The following TMEM134 variants were observed in gnomAD, a reference collection of about 807,000 sequenced individuals.
The protein encoded by TMEM134 is transmembrane protein 134.
A neutral mutation model predicts 26.2 loss-of-function variants in TMEM134; 36 were observed. The observed-to-expected ratio is 1.37, with a 90% confidence interval of 1.05 to 1.81. The LOEUF is 1.81. Ranked by LOEUF, TMEM134 falls within the 40% of genes most tolerant of loss-of-function variation. The pLI, the probability that TMEM134 is intolerant of heterozygous loss-of-function variation, is 0.00. For missense variants in TMEM134, 339 were observed against 263.5 expected (o/e 1.29, Z -1.98); for synonymous variants, 133 against 113.6 (o/e 1.17, Z -1.08).
chr11:67,464,613 A>G lies in TMEM134; in HGVS notation c.*1T>C. ...CGCAAGGGGTCCACGCTGCGCCGCGATCACTTCTCGAAGTAGGGCAGGTAG... is the reference window on the plus strand; with the variant it reads ...CGCAAGGGGTCCACGCTGCGCCGCGGTCACTTCTCGAAGTAGGGCAGGTAG... On this transcript the variant is annotated 3_prime_UTR_variant, in exon 7 of 7. Transcript: ENST00000308022. 1 of 1,552,024 alleles carries G rather than the reference A, an allele frequency of 6.4e-7. No homozygotes were observed. Among genetic ancestry groups the G allele is most frequent in the East Asian group, 2.4e-5 (1 of 40,960 alleles).
rs1420851471 is a variant in TMEM134, at chr11:67,462,277, CTA to C, written c.*2335_*2336del. ...TGGTTTTTGTCATTTTTCCTTTTTCCTATGTTTGTTCTGATTATATTTATTGA... is the reference window on the plus strand; with the variant it reads ...TGGTTTTTGTCATTTTTCCTTTTTCCTGTTTGTTCTGATTATATTTATTGA... On this transcript the variant is annotated 3_prime_UTR_variant, in exon 7 of 7. Transcript: ENST00000308022. 8 of 149,658 alleles carry C rather than the reference CTA, an allele frequency of 5.3e-5. No homozygotes were observed. The highest frequency in any genetic ancestry group is 1.9e-4 in the East Asian group (1 of 5,170). The allele number at this position is 149,658 out of a possible 1,614,324, so 9.3% of individuals were successfully genotyped here. A position where few individuals can be genotyped will look rare whatever the true frequency, so the allele number is the denominator to read the frequency against.
At chr11:67,468,903 T>A in intron 1 of TMEM134, 116 bp downstream of exon 1, 2 of 1,052,390 alleles carry the variant, frequency 1.9e-6, no homozygotes, top group South Asian at 4.7e-5. Context: ...GGGGGGGCGG[T>A]CTCGCGCTTC....
Position 67,464,794 on chromosome 11 carries a change from C to A in TMEM134, c.505+9G>T. Reference sequence around the variant, plus strand: ...CCCCCGCCCCTTCCGCCCCGGTGCCCGCTCGCACCTCCAGGCACCAACAAC... The same window carrying A: ...CCCCCGCCCCTTCCGCCCCGGTGCCAGCTCGCACCTCCAGGCACCAACAAC... On this transcript the variant is annotated intron_variant, in intron 6 of 6. Transcript: ENST00000308022. The A allele has an allele frequency of 6.2e-7, 1 of 1,600,678 alleles. No homozygotes were observed. Among genetic ancestry groups the A allele is most frequent in the Non-Finnish European group, 8.5e-7 (1 of 1,175,220 alleles).
In TMEM134 at chr11:67,463,611, C is replaced by G. The variant is rs1451784422; in HGVS notation, c.*1003G>C. On this transcript the variant is annotated 3_prime_UTR_variant, in exon 7 of 7. Coordinates refer to ENST00000308022, the MANE Select transcript of TMEM134 (RefSeq NM_025124.4). ...CTCGCCATGTTGTCCAGGTTGGTCG[C>G]GAACTCCTGGGCTCAAGCGATCCTC... is the stretch of plus-strand genomic sequence containing the variant. 1 of 151,482 alleles carries G rather than the reference C, an allele frequency of 6.6e-6. No homozygotes were observed. The highest frequency in any genetic ancestry group is 2.4e-5 in the African/African-American group (1 of 41,144). 9.4% of individuals were successfully genotyped at this position (151,482 alleles called of 1,614,324 possible). A position where few individuals can be genotyped will look rare whatever the true frequency, so the allele number is the denominator to read the frequency against.
At position 67,467,512 on chromosome 11, in the gene TMEM134, G is replaced by A. The variant is rs923012326; in HGVS notation, c.318C>T (p.Asn106=). Reference sequence around the variant, plus strand: ...GCGGGCAGGCTCACCTGCAGCAGGTGTTGTAGGAGCGCTGGGTGCTGCTGC... The same window carrying A: ...GCGGGCAGGCTCACCTGCAGCAGGTATTGTAGGAGCGCTGGGTGCTGCTGC... ...TISSSTQRSY[N]TCCSWTQHPL... Residue 106 remains asparagine (N), a synonymous_variant, in exon 3 of 7, where the codon AAC becomes AAT. Transcript: ENST00000308022. 3.7e-6 allele frequency: 6 copies of A among 1,614,032 alleles called. No individual in the cohort carries two copies. Among genetic ancestry groups the A allele is most frequent in the Admixed American group, 1.7e-5 (1 of 60,022 alleles).
chr11:67,465,059 G>T lies in TMEM134; in HGVS notation c.448C>A (p.Pro150Thr). 1 of 1,582,880 alleles carries T rather than the reference G, an allele frequency of 6.3e-7. No individual in the cohort carries two copies. The highest frequency in any genetic ancestry group is 8.6e-7 in the Non-Finnish European group (1 of 1,168,660). ...TGGGGGCGGGAGGGTCGCTCACCTG[G>T]AGAGGGGGTCGCCTCCAGTCCCACG... ...VGVGLEATPS[P>T]GVSSAIFFVP... The change falls in exon 5 of 7, where the codon CCA becomes ACA. Residue 150 changes from proline (P) to threonine (T), a missense_variant. Transcript: ENST00000308022.
intron 5 of TMEM134, 54 bp downstream of exon 5, chr11:67,465,002 C>G: frequency 2.0e-6 from 3 of 1,497,430 alleles, no homozygotes; most frequent in South Asian, 1.2e-5. Context: ...GCCGTGGACC[C>G]GTGGACACAA....
Position 67,464,785 on chromosome 11 carries a change from C to G in TMEM134, c.505+18G>C, listed in dbSNP as rs938168682. ...GCCCCACAGCCCCCGCCCCTTCCGCCCCGGTGCCCGCTCGCACCTCCAGGC... is the reference window on the plus strand; with the variant it reads ...GCCCCACAGCCCCCGCCCCTTCCGCGCCGGTGCCCGCTCGCACCTCCAGGC... On this transcript the variant is annotated intron_variant, in intron 6 of 6. Transcript: ENST00000308022. 1 of 1,588,976 alleles carries G rather than the reference C, an allele frequency of 6.3e-7. No individual in the cohort carries two copies. Among genetic ancestry groups the G allele is most frequent in the East Asian group, 2.3e-5 (1 of 44,064 alleles).
chr11:67,465,595 G>T (rs1042582760), intron 4 of TMEM134, among the ~76,000 whole-genome samples: 2 of 151,992 alleles, frequency 1.3e-5, no homozygotes, highest in Non-Finnish European at 1.5e-5. Context: ...GGACTGGGGG[G>T]CCACCATGGA....
chr11:67,467,554 C>T lies in TMEM134; in HGVS notation c.276G>A (p.Trp92Ter). Residue 92 changes from tryptophan to a stop codon, truncating the protein, a stop_gained, in exon 3 of 7, where the codon TGG becomes TGA. Transcript: ENST00000308022. LOFTEE classifies it high-confidence loss of function. ...SSRTSIRSSQ[W>*]SFSTISSSTQ... is the part of the protein sequence containing the mutation. ...TGCTGCTGCTGATGGTGCTGAAGGA[C>T]CACTGGGAGCTGCGGATGGAAGTTC... The T allele has an allele frequency of 6.2e-7, 1 of 1,614,018 alleles. No homozygotes were observed. The highest frequency in any genetic ancestry group is 8.5e-7 in the Non-Finnish European group (1 of 1,180,004).
In TMEM134 at chr11:67,469,066, G is replaced by C; in HGVS notation, c.127C>G (p.Arg43Gly). The C allele has an allele frequency of 6.6e-7, 1 of 1,516,132 alleles. No homozygotes were observed. The highest frequency in any genetic ancestry group is 8.8e-7 in the Non-Finnish European group (1 of 1,133,052). The allele number at this position is 1,516,132 out of a possible 1,614,324, so 93.9% of individuals were successfully genotyped here. ...TTGTCCTCGTCAGCCACCTCGAACCGGGCCCGACGCTCGAAGTGCAGCGGC... is the reference window on the plus strand; with the variant it reads ...TTGTCCTCGTCAGCCACCTCGAACCCGGCCCGACGCTCGAAGTGCAGCGGC... ...FGPLHFERRA[R>G]FEVADEDKQS... The change falls in exon 1 of 7, where the codon CGG becomes GGG. Residue 43 changes from arginine (R) to glycine (G), a missense_variant. Transcript: ENST00000308022.
At chr11:67,467,962 G>A (rs1157825169) in intron 2 of TMEM134, 66 bp downstream of exon 2, 4 of 1,445,072 alleles carry the variant, frequency 2.8e-6, no homozygotes, top group South Asian at 1.2e-5. Flanking sequence ...GTGGGTGACT[G>A]AGCAGGGTCC....
chr11:67,467,322 C>T lies in TMEM134; in HGVS notation c.396G>A (p.Leu132=). 2 of 1,613,868 alleles carry T rather than the reference C, an allele frequency of 1.2e-6. No homozygotes were observed. Among genetic ancestry groups the T allele is most frequent in the Non-Finnish European group, 1.7e-6 (2 of 1,179,934 alleles). ...RVVLASFLLL[L]LGLVLILVGV... The stretch of plus-strand genomic sequence containing the variant: ...CTCAGGGCCACTCACCCAGCCCCAG[C>T]AGCAGGAGCAGGAAGGAGGCCAGCA... The change falls in exon 4 of 7, where the codon CTG becomes CTA. Residue 132 remains leucine (L), a synonymous_variant. Transcript: ENST00000308022.
Position 67,464,177 on chromosome 11 carries a change from C to T in TMEM134, c.*437G>A, listed in dbSNP as rs1165250812. ...CCTGGCTGGCAAGGCAGGAGTCCTA[C>T]GCCCAGCTCTGCCCCTAACATGCCC... On this transcript the variant is annotated 3_prime_UTR_variant, in exon 7 of 7. Transcript: ENST00000308022. 1.8e-5 allele frequency: 4 copies of T among 221,772 alleles called. No homozygotes were observed. Among genetic ancestry groups the T allele is most frequent in the Non-Finnish European group, 3.7e-5 (4 of 108,558 alleles). The allele number at this position is 221,772 out of a possible 1,614,324, so 13.7% of individuals were successfully genotyped here.
At position 67,467,547 on chromosome 11, in the gene TMEM134, T is replaced by C. The variant is rs1485228420; in HGVS notation, c.283A>G (p.Ser95Gly). ...TSIRSSQWSF[S>G]TISSSTQRSY... Reference sequence around the variant, plus strand: ...CGCTGGGTGCTGCTGCTGATGGTGCTGAAGGACCACTGGGAGCTGCGGATG... The same window carrying C: ...CGCTGGGTGCTGCTGCTGATGGTGCCGAAGGACCACTGGGAGCTGCGGATG... The change falls in exon 3 of 7, where the codon AGC becomes GGC. Residue 95 changes from serine (S) to glycine (G), a missense_variant. Transcript: ENST00000308022. 2 of 1,614,050 alleles carry C rather than the reference T, an allele frequency of 1.2e-6. No individual in the cohort carries two copies. The highest frequency in any genetic ancestry group is 8.5e-7 in the Non-Finnish European group (1 of 1,180,008).
At chr11:67,468,894 G>T (rs978465441) in intron 1 of TMEM134, 125 bp downstream of exon 1, 3 of 975,016 alleles carry the variant, frequency 3.1e-6, no homozygotes, top group South Asian at 2.4e-5. Context: ...CCGCGGGGCG[G>T]GGGGGCGGTC....
intron 4 of TMEM134, 73 bp downstream of exon 4, chr11:67,467,239 G>A: frequency 1.4e-6 from 2 of 1,433,260 alleles, no homozygotes; most frequent in South Asian, 1.2e-5. Context: ...CAAGGGGGAG[G>A]CAGAGCCTGT....
At position 67,464,759 on chromosome 11, in the gene TMEM134, C is replaced by A. The variant is rs778228209; in HGVS notation, c.505+44G>T. ...CTCCCCGCAACACCGCCCCCAGTGCCGCCCCACAGCCCCCGCCCCTTCCGC... is the reference window on the plus strand; with the variant it reads ...CTCCCCGCAACACCGCCCCCAGTGCAGCCCCACAGCCCCCGCCCCTTCCGC... On this transcript the variant is annotated intron_variant, in intron 6 of 6. Transcript: ENST00000308022. The A allele has an allele frequency of 4.9e-5, 76 of 1,552,110 alleles. No homozygotes were observed. The Middle Eastern group carries it at 1.0e-3, about 21-fold the overall frequency.
At chr11:67,467,217 G>C in intron 4 of TMEM134, 95 bp downstream of exon 4, 1 of 1,194,720 alleles carries the variant, frequency 8.4e-7, no homozygotes. Context: ...AGGATGCTGG[G>C]AGGCTCAGTG....
Sources: gnomAD v4.1 joint callset for allele counts (sites outside exome capture counted in the v4.1 genomes callset) on GRCh38, gnomAD v4.1.1 for gene constraint, MANE v1.5 for transcripts, NCBI Gene and HGNC (gene_info 2026-07-23, HGNC 2026-07-21) for gene names.